IL15: variants seen among roughly 807,000 people sequenced by gnomAD.
IL15 encodes the protein interleukin-15.
A neutral mutation model predicts 19.6 loss-of-function variants in IL15; 11 were observed. That is an observed-to-expected ratio of 0.56 (90% CI 0.35 to 0.93). The LOEUF (loss-of-function observed/expected upper bound fraction) is 0.93. IL15 is among the 40% of genes least tolerant of loss of function. IL15 has a pLI of 0.01. For synonymous variants in IL15, 58 were observed against 59.6 expected (o/e 0.97, Z 0.12); for missense variants, 197 against 186.5 (o/e 1.06, Z -0.33).
intron 1 of IL15, among the ~76,000 whole-genome samples, chr4:141,638,330 C>G (rs539295840): frequency 1.3e-5 from 2 of 152,284 alleles, no homozygotes; most frequent in South Asian, 4.2e-4. Flanking sequence ...GGTCCTTATT[C>G]GTGTAAAATT....
intron 2 of IL15, among the ~76,000 whole-genome samples, chr4:141,689,799 G>C (rs1291199296): frequency 6.6e-6 from 1 of 152,258 alleles, no homozygotes; most frequent in African/African-American, 2.4e-5. Context: ...GCTTCACCCA[G>C]TGGATCCCAC....
intron 2 of IL15, among the ~76,000 whole-genome samples, chr4:141,686,251 T>C (rs1452105018): frequency 3.3e-5 from 5 of 151,574 alleles, no homozygotes; most frequent in Non-Finnish European, 5.9e-5. Context: ...GCCGAGATCA[T>C]GCCATTGCAC....
chr4:141,715,749 A>ACTT (rs1378902405), intron 2 of IL15: 1 of 152,226 alleles, frequency 6.6e-6, no homozygotes, highest in African/African-American at 2.4e-5. Flanking sequence ...CATTTAACCC[A>ACTT]GAAAACCAAT....
chr4:141,659,613 G>A (rs1034679447), intron 2 of IL15, among the ~76,000 whole-genome samples: 1 of 152,196 alleles, frequency 6.6e-6, no homozygotes, highest in East Asian at 1.9e-4. Flanking sequence ...TTTAGTAATA[G>A]CAATGTGGTT....
chr4:141,658,238 T>A (rs1185462021), intron 2 of IL15, among the ~76,000 whole-genome samples: 1 of 152,230 alleles, frequency 6.6e-6, no homozygotes, highest in Non-Finnish European at 1.5e-5. Context: ...TTCCACTTCA[T>A]CTTCTGCCAT....
intron 2 of IL15, among the ~76,000 whole-genome samples, chr4:141,662,646 G>T (rs973240764): frequency 6.6e-6 from 1 of 151,980 alleles, no homozygotes; most frequent in South Asian, 2.1e-4. Flanking sequence ...AGTCTTTTAC[G>T]GAGTATTTAG....
At chr4:141,708,414 C>G (rs1162439809) in intron 2 of IL15, among the ~76,000 whole-genome samples, 1 of 152,042 alleles carries the variant, frequency 6.6e-6, no homozygotes, top group East Asian at 1.9e-4. Flanking sequence ...CCATTGAGCT[C>G]TATCATCTTA....
chr4:141,688,880 A>AAG, intron 2 of IL15: 1 of 162,526 alleles, frequency 6.2e-6, no homozygotes, highest in East Asian at 1.8e-4. Flanking sequence ...CACTGACTTC[A>AAG]AGAATGAAGC....
chr4:141,704,673 G>T, intron 2 of IL15: 1 of 261,218 alleles, frequency 3.8e-6, no homozygotes. Context: ...TCAGGTCCTG[G>T]TCTTTTCTTT....
At chr4:141,706,543 G>C (rs1729522679) in intron 2 of IL15, among the ~76,000 whole-genome samples, 1 of 151,996 alleles carries the variant, frequency 6.6e-6, no homozygotes, top group Non-Finnish European at 1.5e-5. Flanking sequence ...TTTTATTATA[G>C]TAATAATGAG....
At chr4:141,718,947 A>G (rs1156685973) in intron 2 of IL15, 1 of 152,344 alleles carries the variant, frequency 6.6e-6, no homozygotes, top group Non-Finnish European at 1.5e-5. Flanking sequence ...TGGTTTCTTT[A>G]AAAGACTGAA....
intron 7 of IL15, among the ~76,000 whole-genome samples, chr4:141,731,456 T>C (rs529854388): frequency 9.2e-5 from 14 of 152,336 alleles, no homozygotes; most frequent in African/African-American, 3.4e-4. Flanking sequence ...ATAATACTCT[T>C]ATGATGTTAT....
intron 2 of IL15, among the ~76,000 whole-genome samples, chr4:141,669,984 T>C (rs1245761917): frequency 6.6e-6 from 1 of 151,792 alleles, no homozygotes; most frequent in Non-Finnish European, 1.5e-5. Flanking sequence ...TAGATTATTA[T>C]TGTAAATTAT....
At chr4:141,725,254 TG>T (rs1197875021) in intron 5 of IL15, among the ~76,000 whole-genome samples, 1 of 152,170 alleles carries the variant, frequency 6.6e-6, no homozygotes, top group Non-Finnish European at 1.5e-5. Flanking sequence ...TCCCTCCCTA[TG>T]CCTCCTGGAT....
At chr4:141,705,223 AAACT>A (rs1729470057) in intron 2 of IL15, among the ~76,000 whole-genome samples, 1 of 151,988 alleles carries the variant, frequency 6.6e-6, no homozygotes, top group African/African-American at 2.4e-5. Context: ...TTACTATTTT[AAACT>A]TCCCTCTCAG....
Position 141,642,573 on chromosome 4 carries a change from G to A in IL15, c.-222+5825G>A, listed in dbSNP as rs562989320. ...GCTTCTGTAGAGGTTTCCCACTGGG[G>A]ACTAGTGCGAAATAAGCTCTAGTAG... On this transcript the variant is annotated intron_variant, in intron 1 of 7. Coordinates refer to ENST00000320650, the MANE Select transcript of IL15 (RefSeq NM_000585.5). Among the ~76,000 whole-genome samples the A allele has an allele frequency of 3.3e-5, 5 of 152,258 alleles. No individual in the cohort carries two copies. In the South Asian group the frequency reaches 1.0e-3, roughly 32 times the overall value.
At chr4:141,728,735 A>G (rs540476832) in intron 6 of IL15, among the ~76,000 whole-genome samples, 1 of 152,290 alleles carries the variant, frequency 6.6e-6, no homozygotes, top group South Asian at 2.1e-4. Flanking sequence ...GAAACTAGAA[A>G]AAAGAGATAT....
At chr4:141,718,579 G>C (rs1167820463) in intron 2 of IL15, 4 of 152,096 alleles carry the variant, frequency 2.6e-5, no homozygotes, top group African/African-American at 9.7e-5. Context: ...ACCTAAATAA[G>C]TGTTAGCTTT....
At chr4:141,679,586 C>T (rs1291094403) in intron 2 of IL15, among the ~76,000 whole-genome samples, 1 of 152,034 alleles carries the variant, frequency 6.6e-6, no homozygotes, top group Non-Finnish European at 1.5e-5. Flanking sequence ...ATTTTGAATG[C>T]TATTTTGTCA....
Sources: gnomAD v4.1 joint callset for allele counts (sites outside exome capture counted in the v4.1 genomes callset) on GRCh38, gnomAD v4.1.1 for gene constraint, MANE v1.5 for transcripts, NCBI Gene and HGNC (gene_info 2026-07-23, HGNC 2026-07-21) for gene names.